NFIB: variants seen among roughly 807,000 people sequenced by gnomAD.
NFIB encodes the protein nuclear factor 1 B-type.
A neutral mutation model predicts 61.5 loss-of-function variants in NFIB; 11 were observed. The ratio of observed to expected loss-of-function variants is 0.18; its 90% CI spans 0.11 to 0.30. NFIB has a LOEUF of 0.30. Ranked by LOEUF, NFIB falls within the 10% of genes least tolerant of loss-of-function variation. The pLI, the probability that NFIB is intolerant of heterozygous loss-of-function variation, is 1.00. For missense variants in NFIB, 471 were observed against 608.9 expected (o/e 0.77, Z 2.38); for synonymous variants, 260 against 216.5 (o/e 1.20, Z -1.76).
chr9:14,118,341 A>T (rs1587344061), intron 8 of NFIB, among the ~76,000 whole-genome samples: 1 of 152,134 alleles, frequency 6.6e-6, no homozygotes, highest in Non-Finnish European at 1.5e-5. Context: ...AAATGTCTGG[A>T]GCAGAATGAC....
At chr9:14,481,229 ATATG>A in the NFIB span, among the ~76,000 whole-genome samples, 1 of 117,950 alleles carries the variant, frequency 8.5e-6, no homozygotes, top group Non-Finnish European at 1.8e-5. Flanking sequence ...ATATATATAT[ATATG>A]TAGCTTAGCA....
chr9:14,466,133 G>A, the NFIB span, among the ~76,000 whole-genome samples: 1 of 152,154 alleles, frequency 6.6e-6, no homozygotes, highest in East Asian at 1.9e-4. Flanking sequence ...TGTTCGGAGA[G>A]AGCCCGCATC....
chr9:14,469,088 C>T, the NFIB span, among the ~76,000 whole-genome samples: 24 of 152,174 alleles, frequency 1.6e-4, no homozygotes, highest in South Asian at 4.2e-4. Context: ...CCTGTGTCTA[C>T]GTTCCTTTAA....
At chr9:14,316,432 A>G (rs765656543), upstream of NFIB, among the ~76,000 whole-genome samples, 5 of 152,196 alleles carry the variant, frequency 3.3e-5, no homozygotes, top group Non-Finnish European at 7.4e-5. Flanking sequence ...GACCCCTGCG[A>G]GTTAACCCTT....
intron 2 of NFIB, among the ~76,000 whole-genome samples, chr9:14,301,811 C>G (rs1438314154): frequency 6.6e-6 from 1 of 152,156 alleles, no homozygotes; most frequent in Non-Finnish European, 1.5e-5. Flanking sequence ...GAGAAAATTG[C>G]TAAGTATCTT....
At chr9:14,334,909 T>C (rs181919658) in intron 1 of NFIB, among the ~76,000 whole-genome samples, 19 of 152,354 alleles carry the variant, frequency 1.2e-4, no homozygotes, top group Admixed American at 2.0e-4. Flanking sequence ...TTGCATTTTA[T>C]AACATTTTAT....
intron 2 of NFIB, among the ~76,000 whole-genome samples, chr9:14,207,283 A>C (rs2049840021): frequency 4.6e-5 from 7 of 152,236 alleles, no homozygotes; most frequent in Admixed American, 4.6e-4. Context: ...CACTGGACAG[A>C]AAAAGAGATA....
chr9:14,215,928 T>A (rs1479099195), intron 2 of NFIB, among the ~76,000 whole-genome samples: 1 of 152,208 alleles, frequency 6.6e-6, no homozygotes, highest in African/African-American at 2.4e-5. Context: ...TACTGAGAAT[T>A]AACTGAATTG....
chr9:14,227,702 A>AATGTTT (rs1456785592), intron 2 of NFIB, among the ~76,000 whole-genome samples: 1 of 152,176 alleles, frequency 6.6e-6, no homozygotes, highest in Non-Finnish European at 1.5e-5. Flanking sequence ...CAAGATTCAC[A>AATGTTT]ATGTTTCACT....
At chr9:14,263,900 T>C (rs756375269) in intron 2 of NFIB, among the ~76,000 whole-genome samples, 5 of 152,242 alleles carry the variant, frequency 3.3e-5, no homozygotes, top group African/African-American at 1.2e-4. Flanking sequence ...TCCTGTGTTA[T>C]GTCCATGTCT....
At chr9:14,179,182 A>G (rs765738095) in intron 3 of NFIB, among the ~76,000 whole-genome samples, 5 of 152,066 alleles carry the variant, frequency 3.3e-5, no homozygotes, top group Non-Finnish European at 7.4e-5. Context: ...GAAAACAAAG[A>G]GGGTATTTGG....
chr9:14,455,265 T>A, the NFIB span, among the ~76,000 whole-genome samples: 1 of 152,236 alleles, frequency 6.6e-6, no homozygotes, highest in Non-Finnish European at 1.5e-5. Context: ...TGGGGTTTAA[T>A]GTAATAAACA....
chr9:14,489,595 C>A, the NFIB span, among the ~76,000 whole-genome samples: 1 of 152,080 alleles, frequency 6.6e-6, no homozygotes, highest in Admixed American at 6.5e-5. Flanking sequence ...AAGAAAGTCT[C>A]CTTCCAGGCT....
In NFIB at chr9:14,175,163, A is replaced by ATTTTTTT. The variant is rs375736787; in HGVS notation, c.616+4563_616+4564insAAAAAAA. 5.6e-3 allele frequency among the ~76,000 whole-genome samples: 568 copies of ATTTTTTT among 102,050 alleles called. 35 individuals are homozygous for ATTTTTTT. Among genetic ancestry groups the ATTTTTTT allele is most frequent in the Middle Eastern group, 0.017 (2 of 116 alleles). 66.9% of individuals were successfully genotyped at this position (102,050 alleles called of 152,430 possible). A position where few individuals can be genotyped will look rare whatever the true frequency, so the allele number is the denominator to read the frequency against. On this transcript the variant is annotated intron_variant, in intron 3 of 10. Coordinates refer to ENST00000380953, the MANE Select transcript of NFIB (RefSeq NM_001190737.2). The stretch of plus-strand genomic sequence containing the variant: ...TCTCAAAATTTTTATGACTTAAAGA[A>ATTTTTTT]TTTCTTTTTTTTTTTTTTTTTTTTG...
At chr9:14,272,636 T>C (rs2057708704) in intron 2 of NFIB, among the ~76,000 whole-genome samples, 1 of 143,600 alleles carries the variant, frequency 7.0e-6, no homozygotes, top group African/African-American at 2.6e-5. Context: ...TGCTCCACTT[T>C]ATCTTCTACC....
rs143147303 is a variant in NFIB, at chr9:14,251,915, T to C, written c.562+55074A>G. On this transcript the variant is annotated intron_variant, in intron 2 of 10. Transcript: ENST00000380953. ...TTATATTATATTACTCGAGGTTTAG[T>C]AGGCAAGCCACACAAATTCTGTGGG... 1.7e-3 allele frequency among the ~76,000 whole-genome samples: 256 copies of C among 152,334 alleles called. 1 individual carries two copies. The highest frequency in any genetic ancestry group is 3.0e-3 in the Non-Finnish European group (202 of 68,020).
chr9:14,149,378 T>A (rs2042618255), intron 5 of NFIB, among the ~76,000 whole-genome samples: 1 of 152,194 alleles, frequency 6.6e-6, no homozygotes, highest in African/African-American at 2.4e-5. Context: ...CTAGAATTCA[T>A]GTATGCTCTT....
At chr9:14,111,018 CAT>C (rs764830174) in intron 10 of NFIB, among the ~76,000 whole-genome samples, 2 of 151,982 alleles carry the variant, frequency 1.3e-5, no homozygotes, top group Non-Finnish European at 2.9e-5. Flanking sequence ...TCATGTATCC[CAT>C]AAGTATTAAC....
At chr9:14,182,042 C>T (rs1432380440) in intron 2 of NFIB, among the ~76,000 whole-genome samples, 1 of 152,218 alleles carries the variant, frequency 6.6e-6, no homozygotes, top group African/African-American at 2.4e-5. Flanking sequence ...TCGTAAGAAA[C>T]TATCCAGCTA....
Sources: allele counts gnomAD v4.1 joint callset (sites outside exome capture counted in the v4.1 genomes callset), GRCh38; gene constraint gnomAD v4.1.1; transcripts MANE v1.5; gene names NCBI Gene and HGNC (gene_info 2026-07-23, HGNC 2026-07-21).